The following NELL2 variants were observed in gnomAD, a reference collection of about 807,000 sequenced individuals.
NELL2 encodes the protein neural EGFL like 2, also known as protein kinase C-binding protein NELL2.
Under a neutral mutation model 109.6 loss-of-function variants are expected in NELL2, and 41 were observed. The ratio of observed to expected loss-of-function variants is 0.37; its 90% CI spans 0.29 to 0.49. The LOEUF is 0.49. Ranked by LOEUF, NELL2 falls within the 20% of genes least tolerant of loss-of-function variation. The pLI is 0.98. For missense variants in NELL2, 900 were observed against 1,008.3 expected (o/e 0.89, Z 1.45); for synonymous variants, 355 against 344.7 (o/e 1.03, Z -0.33).
intron 19 of NELL2, among the ~76,000 whole-genome samples, chr12:44,514,300 T>C (rs1280674238): frequency 6.6e-6 from 1 of 151,826 alleles, no homozygotes; most frequent in Non-Finnish European, 1.5e-5. Flanking sequence ...TGTAACCAGA[T>C]GGAGACTCCA....
intron 9 of NELL2, among the ~76,000 whole-genome samples, chr12:44,744,722 C>T (rs981978733): frequency 2.2e-4 from 33 of 152,082 alleles, no homozygotes; most frequent in Admixed American, 4.6e-4. Flanking sequence ...ATAAATTCCT[C>T]GACACATACA....
intron 2 of NELL2, among the ~76,000 whole-genome samples, chr12:44,852,831 T>G (rs536710976): frequency 7.2e-5 from 11 of 152,158 alleles, no homozygotes; most frequent in Non-Finnish European, 1.6e-4. Context: ...TTGCACAATT[T>G]TCCTGGAAAT....
At chr12:44,606,529 T>G (rs1010377207) in intron 15 of NELL2, among the ~76,000 whole-genome samples, 4 of 152,114 alleles carry the variant, frequency 2.6e-5, no homozygotes, top group African/African-American at 9.7e-5. Flanking sequence ...TTTTTTAAAT[T>G]CCCAAGATGT....
intron 12 of NELL2, among the ~76,000 whole-genome samples, chr12:44,692,155 G>A (rs73100389): frequency 0.094 from 14,345 of 152,150 alleles, 945 homozygotes; most frequent in East Asian, 0.15. Flanking sequence ...CTTGTTAGGG[G>A]CTAACGCAGT....
intron 15 of NELL2, among the ~76,000 whole-genome samples, chr12:44,567,054 C>A (rs778173158): frequency 2.0e-5 from 3 of 152,160 alleles, no homozygotes; most frequent in Non-Finnish European, 4.4e-5. Flanking sequence ...TTGTGATCCA[C>A]CTGCCTTGGC....
intron 19 of NELL2, among the ~76,000 whole-genome samples, 175 bp downstream of exon 19, chr12:44,519,830 A>T (rs930709857): frequency 6.8e-6 from 1 of 147,690 alleles, no homozygotes; most frequent in African/African-American, 2.7e-5. Context: ...CATCAGATGG[A>T]TGTCCATGAC....
At chr12:44,918,519 G>T (rs773956982), upstream of NELL2, among the ~76,000 whole-genome samples, 1 of 93,346 alleles carries the variant, frequency 1.1e-5, no homozygotes, top group South Asian at 3.0e-4. Context: ...ATGCATGTAT[G>T]TGTGTGTGTG....
chr12:44,850,191 G>A (rs1944491984), intron 2 of NELL2, among the ~76,000 whole-genome samples: 1 of 152,126 alleles, frequency 6.6e-6, no homozygotes, highest in Non-Finnish European at 1.5e-5. Context: ...CATAGGGATA[G>A]TGATAATTTT....
intron 2 of NELL2, among the ~76,000 whole-genome samples, chr12:44,868,049 G>A (rs1004714954): frequency 2.0e-5 from 3 of 146,724 alleles, no homozygotes; most frequent in African/African-American, 2.5e-5. Flanking sequence ...GAACCTAGGA[G>A]GCAGAGGTTG....
chr12:44,803,262 C>G (rs1485891175), intron 3 of NELL2, among the ~76,000 whole-genome samples: 4 of 151,904 alleles, frequency 2.6e-5, no homozygotes, highest in Non-Finnish European at 5.9e-5. Context: ...CAACCAAATG[C>G]AACATGTGTT....
At chr12:44,899,363 G>C (rs1945632903) in intron 1 of NELL2, among the ~76,000 whole-genome samples, 1 of 152,162 alleles carries the variant, frequency 6.6e-6, no homozygotes, top group Non-Finnish European at 1.5e-5. Flanking sequence ...CAGCCAAACA[G>C]AAACATCAGG....
intron 12 of NELL2, among the ~76,000 whole-genome samples, chr12:44,668,822 T>G (rs1417145082): frequency 6.6e-6 from 1 of 152,082 alleles, no homozygotes; most frequent in East Asian, 1.9e-4. Flanking sequence ...GTTGGAAAAC[T>G]GCCACTAGTG....
chr12:44,709,775 T>C (rs1938095002), intron 11 of NELL2, among the ~76,000 whole-genome samples: 1 of 152,170 alleles, frequency 6.6e-6, no homozygotes, highest in African/African-American at 2.4e-5. Context: ...ATATGTATAT[T>C]TAAGTTTAAG....
intron 9 of NELL2, among the ~76,000 whole-genome samples, chr12:44,732,951 T>C (rs1335083738): frequency 6.6e-6 from 1 of 152,018 alleles, no homozygotes; most frequent in African/African-American, 2.4e-5. Context: ...GAATAGATCC[T>C]TAACATCACT....
chr12:44,569,069 T>C (rs1412668658), intron 15 of NELL2, among the ~76,000 whole-genome samples: 1 of 152,104 alleles, frequency 6.6e-6, no homozygotes, highest in Non-Finnish European at 1.5e-5. Flanking sequence ...GTGTCTGTTG[T>C]TTTCCTCTAC....
intron 2 of NELL2, among the ~76,000 whole-genome samples, chr12:44,824,359 T>A (rs1040461235): frequency 1.3e-5 from 2 of 152,136 alleles, no homozygotes; most frequent in African/African-American, 4.8e-5. Context: ...TGTCAAGAAG[T>A]TTTCCCCTGT....
chr12:44,518,849 T>C (rs1194364641), intron 19 of NELL2, among the ~76,000 whole-genome samples: 1 of 152,240 alleles, frequency 6.6e-6, no homozygotes, highest in Non-Finnish European at 1.5e-5. Flanking sequence ...ACATCGCATA[T>C]ACATTATTAG....
At chr12:44,888,784 C>T (rs1945502611) in intron 1 of NELL2, among the ~76,000 whole-genome samples, 1 of 151,508 alleles carries the variant, frequency 6.6e-6, no homozygotes. Context: ...CAACATTCTT[C>T]GTATTCACCA....
chr12:44,524,279 A>C (rs1941672877), intron 16 of NELL2, among the ~76,000 whole-genome samples: 1 of 152,220 alleles, frequency 6.6e-6, no homozygotes, highest in Non-Finnish European at 1.5e-5. Context: ...CGTGACCCAC[A>C]GATCAGGTCC....
Sources: allele counts gnomAD v4.1 joint callset (sites outside exome capture counted in the v4.1 genomes callset), GRCh38; gene constraint gnomAD v4.1.1; transcripts MANE v1.5; gene names NCBI Gene and HGNC (gene_info 2026-07-23, HGNC 2026-07-21).